The following CNBD1 variants were observed in gnomAD, a reference collection of about 807,000 sequenced individuals.
The protein encoded by CNBD1 is cyclic nucleotide binding domain containing 1.
Under a neutral mutation model 54.4 loss-of-function variants are expected in CNBD1, and 71 were observed. The ratio of observed to expected loss-of-function variants is 1.30; its 90% CI spans 1.08 to 1.59. The LOEUF is 1.59. CNBD1 is among the 40% of genes most tolerant of loss of function. CNBD1 has a pLI of 0.00. For missense variants in CNBD1, 659 were observed against 518.0 expected, an observed-to-expected ratio of 1.27 and a Z score of -2.64; for synonymous variants, 182 against 170.7, an observed-to-expected ratio of 1.07 and a Z score of -0.51.
intron 4 of CNBD1, among the ~76,000 whole-genome samples, chr8:87,046,966 T>C (rs779705574): frequency 2.0e-5 from 3 of 152,190 alleles, no homozygotes; most frequent in Non-Finnish European, 4.4e-5. Flanking sequence ...GATGTAATAC[T>C]GGTAAGAGGA....
intron 4 of CNBD1, among the ~76,000 whole-genome samples, chr8:87,198,397 C>G (rs993203721): frequency 2.6e-5 from 4 of 152,112 alleles, no homozygotes; most frequent in Non-Finnish European, 4.4e-5. Context: ...TTCCAGAGTT[C>G]CCCTATTATA....
intron 8 of CNBD1, among the ~76,000 whole-genome samples, chr8:87,327,008 G>A (rs1809683746): frequency 1.3e-5 from 2 of 149,170 alleles, no homozygotes; most frequent in African/African-American, 5.0e-5. Context: ...CTGTTTGTTA[G>A]TTTTCCTTCT....
intron 4 of CNBD1, among the ~76,000 whole-genome samples, chr8:87,108,218 T>C (rs1811581550): frequency 6.6e-6 from 1 of 152,158 alleles, no homozygotes; most frequent in Admixed American, 6.6e-5. Flanking sequence ...GCTTCTCATC[T>C]AGTCCTCAAG....
At chr8:87,406,665 A>C (rs1037540263) in intron 2 of CNBD1, among the ~76,000 whole-genome samples, 3 of 151,984 alleles carry the variant, frequency 2.0e-5, no homozygotes, top group Non-Finnish European at 4.4e-5. Flanking sequence ...TTTTTAGTAG[A>C]GATGGGGTTT....
At chr8:87,406,447 T>TACAC (rs36222951) in intron 2 of CNBD1, among the ~76,000 whole-genome samples, 266 of 122,146 alleles carry the variant, frequency 2.2e-3, no homozygotes, top group East Asian at 5.3e-3. Context: ...TATGTGTGTA[T>TACAC]ACACACACAC....
intron 3 of CNBD1, among the ~76,000 whole-genome samples, chr8:86,909,710 T>A (rs145991376): frequency 2.4e-4 from 37 of 152,332 alleles, no homozygotes; most frequent in African/African-American, 8.7e-4. Context: ...CTCCAAACTT[T>A]ATTGTCAGTA....
At chr8:87,135,200 G>T (rs924826020) in intron 4 of CNBD1, among the ~76,000 whole-genome samples, 4 of 151,750 alleles carry the variant, frequency 2.6e-5, no homozygotes, top group Non-Finnish European at 5.9e-5. Context: ...AGTGAATAGG[G>T]CAATCACAAA....
At chr8:86,868,461 G>T (rs574983245) in intron 1 of CNBD1, among the ~76,000 whole-genome samples, 2 of 152,124 alleles carry the variant, frequency 1.3e-5, no homozygotes, top group African/African-American at 4.8e-5. Context: ...TCCTGCCTCA[G>T]CCTCTTGAGT....
At chr8:87,303,278 C>T (rs945341146) in intron 8 of CNBD1, among the ~76,000 whole-genome samples, 2 of 151,762 alleles carry the variant, frequency 1.3e-5, no homozygotes, top group African/African-American at 2.4e-5. Flanking sequence ...GGTACTGGTA[C>T]CAAAACAGAG....
rs1377541129 is a variant in CNBD1, at chr8:87,322,266, G to A, written c.1043-29419G>A. Among the ~76,000 whole-genome samples the A allele has an allele frequency of 9.8e-5, 12 of 122,214 alleles. 2 individuals are homozygous for A. Among genetic ancestry groups the A allele is most frequent in the East Asian group, 4.1e-4 (2 of 4,864 alleles). The allele number at this position is 122,214 out of a possible 152,430, so 80.2% of individuals were successfully genotyped here. A position where few individuals can be genotyped will look rare whatever the true frequency, so the allele number is the denominator to read the frequency against. ...GTGAATAATGCCGCAATAAACATAC[G>A]TGTGCATGTGTCTTTACAGCAGCAT... On this transcript the variant is annotated intron_variant, in intron 8 of 10. Transcript: ENST00000518476.
intron 10 of CNBD1, among the ~76,000 whole-genome samples, chr8:87,354,343 G>A (rs996376399): frequency 6.6e-6 from 1 of 152,030 alleles, no homozygotes; most frequent in African/African-American, 2.4e-5. Context: ...GGTACTTGGT[G>A]GATCCCAGGC....
intron 4 of CNBD1, among the ~76,000 whole-genome samples, chr8:87,073,511 GT>G (rs1810802517): frequency 6.6e-6 from 1 of 152,116 alleles, no homozygotes; most frequent in South Asian, 2.1e-4. Context: ...ATGTTGTGTT[GT>G]TGTTGTTTTC....
At chr8:86,953,763 A>G (rs1212397983) in intron 4 of CNBD1, among the ~76,000 whole-genome samples, 1 of 152,176 alleles carries the variant, frequency 6.6e-6, no homozygotes, top group Non-Finnish European at 1.5e-5. Context: ...GCTACTCAGG[A>G]GGCTGAGGCG....
intron 1 of CNBD1, among the ~76,000 whole-genome samples, chr8:86,884,521 CAT>C (rs542667565): frequency 1.5e-3 from 232 of 152,202 alleles, no homozygotes; most frequent in Admixed American, 3.9e-3. Flanking sequence ...GAACCATTAA[CAT>C]AGGTATGTTT....
chr8:87,030,702 A>T (rs546308130), intron 4 of CNBD1, among the ~76,000 whole-genome samples: 5 of 152,100 alleles, frequency 3.3e-5, no homozygotes, highest in Non-Finnish European at 7.4e-5. Context: ...TTGCTTCATT[A>T]TCTGAAGCAG....
intron 4 of CNBD1, among the ~76,000 whole-genome samples, chr8:86,963,933 T>C (rs780026363): frequency 6.6e-6 from 1 of 152,124 alleles, no homozygotes; most frequent in African/African-American, 2.4e-5. Flanking sequence ...CCTCCAATGA[T>C]CTACATTTGC....
At chr8:87,196,406 A>C (rs1051040478) in intron 4 of CNBD1, among the ~76,000 whole-genome samples, 2 of 152,210 alleles carry the variant, frequency 1.3e-5, no homozygotes, top group Non-Finnish European at 2.9e-5. Context: ...TCCTTTGTAC[A>C]TCTGAGTAAA....
At chr8:86,940,450 G>A in intron 4 of CNBD1, among the ~76,000 whole-genome samples, 1 of 152,138 alleles carries the variant, frequency 6.6e-6, no homozygotes, top group South Asian at 2.1e-4. Context: ...ACAGGTGTGA[G>A]CTTCCGCACC....
intron 3 of CNBD1, among the ~76,000 whole-genome samples, chr8:86,906,140 G>A (rs762989858): frequency 6.6e-6 from 1 of 152,178 alleles, no homozygotes; most frequent in Non-Finnish European, 1.5e-5. Context: ...GGCTGTGTAA[G>A]GGAGCTGATC....
Sources: allele counts gnomAD v4.1 joint callset (sites outside exome capture counted in the v4.1 genomes callset), GRCh38; gene constraint gnomAD v4.1.1; transcripts MANE v1.5; gene names NCBI Gene and HGNC (gene_info 2026-07-23, HGNC 2026-07-21).